The following BOD1L1 variants were observed in gnomAD, a reference collection of about 807,000 sequenced individuals.
BOD1L1 encodes biorientation of chromosomes in cell division protein 1-like 1.
BOD1L1 carries 86 observed loss-of-function variants against 240.7 expected under a neutral mutation model. That is an observed-to-expected ratio of 0.36 (90% CI 0.30 to 0.43). The LOEUF is 0.43. BOD1L1 is among the 20% of genes least tolerant of loss of function. The pLI is 1.00. For missense variants in BOD1L1, 3,554 were observed against 3,643.5 expected (o/e 0.98, Z 0.63); for synonymous variants, 1,268 against 1,272.3 (o/e 1.00, Z 0.07).
chr4:13,577,064 T>G, intron 24 of BOD1L1, 73 bp from the exon 25 acceptor site: 2 of 1,529,006 alleles, frequency 1.3e-6, no homozygotes, highest in Non-Finnish European at 1.8e-6. Flanking sequence ...AGTCATGGAG[T>G]TTAGAACTTA....
chr4:13,626,871 CCTT>C (rs1717432554), intron 1 of BOD1L1, among the ~76,000 whole-genome samples: 3 of 152,194 alleles, frequency 2.0e-5, no homozygotes, highest in African/African-American at 7.2e-5. Context: ...AGGTTTGCCT[CCTT>C]ATCTTTGCGC....
At position 13,613,563 on chromosome 4, in the gene BOD1L1, C is replaced by T. The variant is rs763693801; in HGVS notation, c.1273G>A (p.Glu425Lys). The T allele has an allele frequency of 6.2e-7, 1 of 1,612,546 alleles. No homozygotes were observed. The highest frequency in any genetic ancestry group is 1.3e-5 in the African/African-American group (1 of 74,860). ...DLSSFEEDTE[E>K]EVVTSDSMEE... ...ATGCTATCAGACGTTACAACTTCCT[C>T]CTCAGTATCTTCTTCAAAAGATGAA... is the stretch of plus-strand genomic sequence containing the variant. Residue 425 changes from glutamate to lysine, a missense_variant, in exon 5 of 26, where the codon GAG (glutamate) becomes AAG (lysine). This residue lies in a region of BOD1L1 where 3,393 missense variants were observed against 3,427.1 expected (regional missense o/e 0.99). Transcript: ENST00000040738. This position sits in a 1 kb window ranked among gnomAD's most constrained non-coding sequence, Gnocchi z 4.0.
At chr4:13,587,573 A>T in intron 16 of BOD1L1, 126 bp downstream of exon 16, 1 of 683,316 alleles carries the variant, frequency 1.5e-6, no homozygotes, top group Non-Finnish European at 2.5e-6. Context: ...GAAACAAATT[A>T]GCCTCAAGAC....
At position 13,588,807 on chromosome 4, in the gene BOD1L1, C is replaced by T. The variant is rs1264046234; in HGVS notation, c.8210-15G>A. ...ACTGGATATCTCTGAGTAATAAATA[C>T]AAAAAAGAAAAAAAAATCTTAAATA... On this transcript the variant is annotated splice_polypyrimidine_tract_variant and intron_variant, in intron 14 of 25. Transcript: ENST00000040738. The T allele has an allele frequency of 2.6e-6, 4 of 1,523,054 alleles. No homozygotes were observed. Among genetic ancestry groups the T allele is most frequent in the African/African-American group, 2.9e-5 (2 of 69,972 alleles). The allele number at this position is 1,523,054 out of a possible 1,614,324, so 94.3% of individuals were successfully genotyped here.
intron 25 of BOD1L1, among the ~76,000 whole-genome samples, chr4:13,572,352 C>G (rs553576775): frequency 1.3e-5 from 2 of 152,288 alleles, no homozygotes; most frequent in South Asian, 4.1e-4. Context: ...AAAGAGGAAG[C>G]TTTATCACCT....
In BOD1L1 at chr4:13,607,178, T is replaced by G. The variant is rs749831270; in HGVS notation, c.1754A>C (p.Glu585Ala). The G allele has an allele frequency of 3.2e-6, 5 of 1,569,428 alleles. No homozygotes were observed. In the South Asian group the frequency reaches 5.9e-5, roughly 18 times the overall value. ...KRKKDSRNVE[E>A]NSKKKQQYEE... ...ATATTGCTGTTTCTTTTTGGAGTTC[T>G]CTTCAACATTCCTAAGGGGGAAAGA... Residue 585 changes from glutamate (E) to alanine (A), a missense_variant, in exon 9 of 26, where the codon GAG becomes GCG. Around this residue, in one of 2 missense-constraint regions of BOD1L1, gnomAD observed 3,393 missense variants for 3,427.1 expected, o/e 0.99. Transcript: ENST00000040738.
rs1232289513 is a variant in BOD1L1 at position 13,577,616 on chromosome 4, T to G, written c.8765A>C (p.Glu2922Ala). The G allele has an allele frequency of 6.4e-7, 1 of 1,559,360 alleles. No homozygotes were observed. The highest frequency in any genetic ancestry group is 8.7e-7 in the Non-Finnish European group (1 of 1,145,950). Residue 2922 changes from glutamate (E) to alanine (A), a missense_variant, in exon 23 of 26, where the codon GAA becomes GCA. By Grantham distance (107) the Glu-to-Ala change is moderately radical. Coordinates refer to ENST00000040738, the MANE Select transcript of BOD1L1 (RefSeq NM_148894.3). ...ACTTCTTTCTTGTAGGTTAGCTGTTTCTTTATTGGATTCATCTTTAAGAAA... is the reference window on the plus strand; with the variant it reads ...ACTTCTTTCTTGTAGGTTAGCTGTTGCTTTATTGGATTCATCTTTAAGAAA... ...KVMQTDESNKETANLQERSIS... is the reference protein window; with the variant it reads ...KVMQTDESNKATANLQERSIS...
At chr4:13,587,120 T>C (rs1484669407) in intron 16 of BOD1L1, among the ~76,000 whole-genome samples, 2 of 152,206 alleles carry the variant, frequency 1.3e-5, no homozygotes, top group African/African-American at 4.8e-5. Flanking sequence ...TTCAACATGA[T>C]AGTCACTAAC....
chr4:13,583,251 G>A (rs1016121401), intron 17 of BOD1L1, among the ~76,000 whole-genome samples: 1 of 151,978 alleles, frequency 6.6e-6, no homozygotes, highest in African/African-American at 2.4e-5. Context: ...ATGCCAAAAT[G>A]TTTCAACTAT....
At chr4:13,598,708 C>T (rs916481434) in intron 10 of BOD1L1, among the ~76,000 whole-genome samples, 5 of 152,134 alleles carry the variant, frequency 3.3e-5, no homozygotes, top group Admixed American at 1.3e-4. Flanking sequence ...TTTTTCTCTC[C>T]CCACACATGA....
chr4:13,600,331 A>C lies in BOD1L1; in HGVS notation c.6569T>G (p.Phe2190Cys). The C allele has an allele frequency of 6.2e-7, 1 of 1,614,020 alleles. No homozygotes were observed. The highest frequency in any genetic ancestry group is 1.1e-5 in the South Asian group (1 of 91,080). ...GGGCGCACTGGGCATAGGCCCCTCA[A>C]AGTCGGCGGTGCTTATCAAGACTGG... ...TGPVLISTAD[F>C]EGPMPSAPPE... The change falls in exon 10 of 26, where the codon TTT becomes TGT. Residue 2190 changes from phenylalanine to cysteine, a missense_variant. By Grantham distance (205) the Phe-to-Cys change is radical. Coordinates refer to ENST00000040738, the MANE Select transcript of BOD1L1 (RefSeq NM_148894.3).
intron 18 of BOD1L1, 112 bp from the exon 19 acceptor site, chr4:13,582,422 C>A: frequency 1.2e-6 from 1 of 817,858 alleles, no homozygotes; most frequent in Non-Finnish European, 2.0e-6. Context: ...ACTCCATTTT[C>A]ATGTTTCTAC....
intron 23 of BOD1L1, 35 bp from the exon 24 acceptor site, chr4:13,577,522 C>A: frequency 6.2e-7 from 1 of 1,605,380 alleles, no homozygotes; most frequent in South Asian, 1.1e-5. Flanking sequence ...AAAGGGTGGT[C>A]AGCTGAGCAT....
In BOD1L1 at chr4:13,569,921, C is replaced by T. The variant is rs1183675025; in HGVS notation, c.*90G>A. The T allele has an allele frequency of 1.1e-6, 1 of 951,104 alleles. No homozygotes were observed. Among genetic ancestry groups the T allele is most frequent in the African/African-American group, 1.7e-5 (1 of 57,874 alleles). 58.9% of individuals were successfully genotyped at this position (951,104 alleles called of 1,614,324 possible). A position where few individuals can be genotyped will look rare whatever the true frequency, so the allele number is the denominator to read the frequency against. On this transcript the variant is annotated 3_prime_UTR_variant, in exon 26 of 26. Coordinates refer to ENST00000040738, the MANE Select transcript of BOD1L1 (RefSeq NM_148894.3). ...ACTTACAGCACATGCATATCTTTTTCCTGGTTAAAGAGAAGCCTATGGCCA... is the reference window on the plus strand; with the variant it reads ...ACTTACAGCACATGCATATCTTTTTTCTGGTTAAAGAGAAGCCTATGGCCA...
At chr4:13,605,524 C>T (rs899963782) in intron 9 of BOD1L1, among the ~76,000 whole-genome samples, 2 of 152,030 alleles carry the variant, frequency 1.3e-5, no homozygotes, top group Admixed American at 6.6e-5. Context: ...TATTTCATTC[C>T]GAGTCTAGTA....
At position 13,613,488 on chromosome 4, in the gene BOD1L1, G is replaced by GCA. The variant is rs753226663; in HGVS notation, c.1324+22_1324+23dup. 6.2e-7 allele frequency: 1 copy of GCA among 1,600,216 alleles called. No homozygotes were observed. Among genetic ancestry groups the GCA allele is most frequent in the South Asian group, 1.1e-5 (1 of 89,714 alleles). ...TAATGCTTGACAGGATGCTTCAGAG[G>GCA]CATTATTATGTAAAATGCTTTACCA... On this transcript the variant is annotated intron_variant, in intron 5 of 25. Coordinates refer to ENST00000040738, the MANE Select transcript of BOD1L1 (RefSeq NM_148894.3). The surrounding 1 kb of genome is among the most constrained non-coding windows in gnomAD (Gnocchi z 4.0).
chr4:13,623,188 T>G (rs1185969840), intron 1 of BOD1L1, among the ~76,000 whole-genome samples: 1 of 152,192 alleles, frequency 6.6e-6, no homozygotes, highest in Non-Finnish European at 1.5e-5. Flanking sequence ...GTCTATTTTT[T>G]TTTTCTACTA....
In BOD1L1 at chr4:13,602,788, T is replaced by C; in HGVS notation, c.4112A>G (p.Gln1371Arg). ...TSKRHIPEAH[Q>R]ATLLDGKQGK... ...TTGTTTACCATCCAATAAAGTAGCC[T>C]GGTGAGCTTCTGGAATGTGTCTTTT... The change falls in exon 10 of 26, where the codon CAG becomes CGG. Residue 1371 changes from glutamine to arginine, a missense_variant. Physicochemically the swap from Gln to Arg is conservative, Grantham distance 43. Coordinates refer to ENST00000040738, the MANE Select transcript of BOD1L1 (RefSeq NM_148894.3). 6.2e-7 allele frequency: 1 copy of C among 1,614,002 alleles called. No homozygotes were observed. The highest frequency in any genetic ancestry group is 8.5e-7 in the Non-Finnish European group (1 of 1,179,892).
In BOD1L1 at chr4:13,601,730, C is replaced by T. The variant is rs1193833645; in HGVS notation, c.5170G>A (p.Glu1724Lys). 6.2e-7 allele frequency: 1 copy of T among 1,614,010 alleles called. No individual in the cohort carries two copies. Among genetic ancestry groups the T allele is most frequent in the Admixed American group, 1.7e-5 (1 of 60,026 alleles). The stretch of plus-strand genomic sequence containing the variant: ...GCTCCTGTACATGTCACAGTGCCCT[C>T]TGTTTCTTTTTTGGGACCCATTCTC... The part of the protein sequence containing the change: ...MMRMGPKKET[E>K]GTVTCTGAEG... The change falls in exon 10 of 26, where the codon GAG becomes AAG. Residue 1724 changes from glutamate to lysine, a missense_variant. By Grantham distance (56) the Glu-to-Lys change is moderately conservative. This residue lies in a region of BOD1L1 where 3,393 missense variants were observed against 3,427.1 expected (regional missense o/e 0.99). Coordinates refer to ENST00000040738, the MANE Select transcript of BOD1L1 (RefSeq NM_148894.3).
Sources: allele counts gnomAD v4.1 joint callset (sites outside exome capture counted in the v4.1 genomes callset), GRCh38; gene constraint gnomAD v4.1.1; regional missense constraint gnomAD v4.1.1; non-coding constraint Gnocchi (gnomAD v3.1); transcripts MANE v1.5; gene names NCBI Gene and HGNC (gene_info 2026-07-23, HGNC 2026-07-21).